Variants in UBE2H observed in about 807,000 individuals in gnomAD.
UBE2H encodes ubiquitin conjugating enzyme E2 H, also known as ubiquitin-conjugating enzyme E2 H.
UBE2H carries 3 observed loss-of-function variants against 29.0 expected under a neutral mutation model. That is an observed-to-expected ratio of 0.10 (90% confidence interval 0.05 to 0.27). UBE2H has a LOEUF of 0.27. UBE2H is among the 10% of genes least tolerant of loss of function. The pLI, the probability that UBE2H is intolerant of heterozygous loss-of-function variation, is 1.00. For missense variants in UBE2H, 68 were observed against 228.2 expected, an observed-to-expected ratio of 0.30 and a Z score of 4.52; for synonymous variants, 69 against 82.9, an observed-to-expected ratio of 0.83 and a Z score of 0.91.
At chr7:129,883,745 A>C (rs533660648) in intron 1 of UBE2H, among the ~76,000 whole-genome samples, 18 of 152,200 alleles carry the variant, frequency 1.2e-4, no homozygotes, top group African/African-American at 4.3e-4. Context: ...AGGAGGCTGA[A>C]GCAGGAGAAT....
intron 1 of UBE2H, among the ~76,000 whole-genome samples, chr7:129,925,501 C>G (rs143446989): frequency 1.1e-3 from 162 of 152,260 alleles, no homozygotes; most frequent in African/African-American, 3.5e-3. Context: ...AAAAGCGAAA[C>G]AACATTCACT....
At chr7:129,911,648 ATT>A (rs1563043592) in intron 1 of UBE2H, among the ~76,000 whole-genome samples, 1 of 151,870 alleles carries the variant, frequency 6.6e-6, no homozygotes, top group African/African-American at 2.4e-5. Flanking sequence ...TTTTTTAATT[ATT>A]TTTTAGAGAC....
intron 1 of UBE2H, among the ~76,000 whole-genome samples, chr7:129,882,514 T>A (rs955886742): frequency 3.9e-5 from 6 of 152,204 alleles, no homozygotes; most frequent in African/African-American, 1.4e-4. Context: ...TTTGGTAAAG[T>A]CCTTGCTCAA....
intron 3 of UBE2H, among the ~76,000 whole-genome samples, chr7:129,864,552 C>CTTTTTTTTTTTTTTTTTTTTTTT (rs757244811): frequency 1.3e-5 from 1 of 75,672 alleles, no homozygotes. Flanking sequence ...TTTTTCTTTT[C>CTTTTTTTTTTTTTTTTTTTTTTT]TTTCTTTTTT....
chr7:129,872,359 A>C (rs2116350958), intron 3 of UBE2H, among the ~76,000 whole-genome samples: 1 of 152,196 alleles, frequency 6.6e-6, no homozygotes, highest in East Asian at 1.9e-4. Flanking sequence ...CATAAGATAA[A>C]ATGGTAAGTA....
rs565710060 is a variant in UBE2H at position 129,864,942 on chromosome 7, G to A, written c.206-6001C>T. On this transcript the variant is annotated intron_variant, in intron 3 of 6. Transcript: ENST00000355621. ...GTTTTTTGGACAGTTATTCTCTGGC[G>A]TAGTTCTAGCACTCGTTAAAGGGGA... 12 of 252,564 alleles carry A rather than the reference G, an allele frequency of 4.8e-5. No individual in the cohort carries two copies. In the East Asian group the frequency reaches 6.1e-4, roughly 13 times the overall value. 15.6% of individuals were successfully genotyped at this position (252,564 alleles called of 1,614,324 possible).
intron 1 of UBE2H, among the ~76,000 whole-genome samples, chr7:129,898,677 A>G (rs1472312698): frequency 3.9e-5 from 6 of 152,216 alleles, no homozygotes; most frequent in Non-Finnish European, 8.8e-5. Context: ...TAGAACTGAT[A>G]GGCTCAGGTG....
chr7:129,866,505 G>A (rs1320415462), intron 3 of UBE2H, among the ~76,000 whole-genome samples: 1 of 152,086 alleles, frequency 6.6e-6, no homozygotes, highest in African/African-American at 2.4e-5. Context: ...GGTTCAGGCA[G>A]TACTTATTTT....
chr7:129,911,337 C>T (rs2116447558), intron 1 of UBE2H, among the ~76,000 whole-genome samples: 1 of 150,840 alleles, frequency 6.6e-6, no homozygotes, highest in South Asian at 2.1e-4. Context: ...CATTGCACCA[C>T]TCCAGCCTGG....
intron 3 of UBE2H, among the ~76,000 whole-genome samples, chr7:129,866,085 AGAAAT>A (rs1805899565): frequency 1.3e-5 from 2 of 152,160 alleles, no homozygotes; most frequent in African/African-American, 4.8e-5. Flanking sequence ...AAATCTCTTC[AGAAAT>A]CTGAGCCTTT....
chr7:129,864,556 CTT>C (rs367930226), intron 3 of UBE2H, among the ~76,000 whole-genome samples: 3 of 130,970 alleles, frequency 2.3e-5, no homozygotes, highest in African/African-American at 2.8e-5. Context: ...TCTTTTCTTT[CTT>C]TTTTTTTTTT....
At chr7:129,838,060 T>C (rs911873907) in intron 6 of UBE2H, among the ~76,000 whole-genome samples, 2 of 152,220 alleles carry the variant, frequency 1.3e-5, no homozygotes, top group African/African-American at 4.8e-5. Flanking sequence ...AATTTTAATA[T>C]AGTCTCATAA....
At chr7:129,871,607 G>A (rs1389291535) in intron 3 of UBE2H, among the ~76,000 whole-genome samples, 5 of 151,954 alleles carry the variant, frequency 3.3e-5, no homozygotes, top group Non-Finnish European at 7.4e-5. Context: ...CCAGCTATTC[G>A]GGAGACTGAG....
intron 3 of UBE2H, among the ~76,000 whole-genome samples, chr7:129,876,011 G>A (rs1018998295): frequency 2.0e-5 from 3 of 152,044 alleles, no homozygotes; most frequent in South Asian, 2.1e-4. Flanking sequence ...TCTTCCTTAC[G>A]CTCTCTCTTC....
At chr7:129,922,009 A>T in intron 1 of UBE2H, among the ~76,000 whole-genome samples, 1 of 151,766 alleles carries the variant, frequency 6.6e-6, no homozygotes, top group East Asian at 1.9e-4. Flanking sequence ...TTTTTTAGAC[A>T]GTCTCACTTT....
At chr7:129,927,393 A>G (rs1181312655) in intron 1 of UBE2H, among the ~76,000 whole-genome samples, 3 of 152,274 alleles carry the variant, frequency 2.0e-5, no homozygotes, top group Non-Finnish European at 4.4e-5. Flanking sequence ...TACAAAAATT[A>G]GCCGGGCGTG....
chr7:129,880,947 C>T lies in UBE2H; in HGVS notation c.78G>A (p.Thr26=), dbSNP rs762894384. Reference sequence around the variant, plus strand: ...CAAATTCATTAAGTCCTCCCAGGATCGTAACCTCATGTTTACTCTCGATGC... The same window carrying T: ...CAAATTCATTAAGTCCTCCCAGGATTGTAACCTCATGTTTACTCTCGATGC... ...VKLIESKHEV[T]ILGGLNEFVV... Residue 26 remains threonine (T), a synonymous_variant, in exon 2 of 7, where the codon ACG becomes ACA. Transcript: ENST00000355621. 44 of 1,613,544 alleles carry T rather than the reference C, an allele frequency of 2.7e-5. No individual in the cohort carries two copies. The highest frequency in any genetic ancestry group is 3.5e-5 in the Non-Finnish European group (41 of 1,179,850).
At chr7:129,951,927 G>A (rs896471077) in intron 1 of UBE2H, among the ~76,000 whole-genome samples, 1 of 152,142 alleles carries the variant, frequency 6.6e-6, no homozygotes, top group Non-Finnish European at 1.5e-5. Flanking sequence ...TAACAGGAGG[G>A]ACTGACTGAA....
At chr7:129,891,284 C>G (rs113613834) in intron 1 of UBE2H, among the ~76,000 whole-genome samples, 3 of 151,830 alleles carry the variant, frequency 2.0e-5, no homozygotes, top group African/African-American at 7.3e-5. Flanking sequence ...CTCCCCAGTT[C>G]AAGAGAGTCT....
Sources: allele counts gnomAD v4.1 joint callset (sites outside exome capture counted in the v4.1 genomes callset), GRCh38; gene constraint gnomAD v4.1.1; transcripts MANE v1.5; gene names NCBI Gene and HGNC (gene_info 2026-07-23, HGNC 2026-07-21).